The following PAK4 variants were observed in gnomAD, a reference collection of about 807,000 sequenced individuals.
PAK4 encodes the protein p21 (RAC1) activated kinase 4, also known as serine/threonine-protein kinase PAK 4.
PAK4 carries 49 observed loss-of-function variants against 53.5 expected under a neutral mutation model. The ratio of observed to expected loss-of-function variants is 0.92; its 90% CI spans 0.73 to 1.16. The LOEUF (loss-of-function observed/expected upper bound fraction) is 1.16. Ranked by LOEUF, PAK4 falls within the 50% of genes most tolerant of loss-of-function variation. The pLI, the probability that PAK4 is intolerant of heterozygous loss-of-function variation, is 0.00. For missense variants in PAK4, 824 were observed against 850.7 expected (o/e 0.97, Z 0.39); for synonymous variants, 376 against 375.6 (o/e 1.00, Z -0.01).
At chr19:39,155,953 G>A (rs1247031150) in intron 1 of PAK4, among the ~76,000 whole-genome samples, 70 of 152,194 alleles carry the variant, frequency 4.6e-4, no homozygotes, top group Admixed American at 4.6e-3. Flanking sequence ...TTTTCAGCAG[G>A]GTTAGTTTCA....
At chr19:39,147,841 GTTTTTTTTTT>G (rs35845376) in intron 1 of PAK4, among the ~76,000 whole-genome samples, 8 of 13,240 alleles carry the variant, frequency 6.0e-4, no homozygotes, top group Non-Finnish European at 1.1e-3. Context: ...TTGTTTTCGG[GTTTTTTTTTT>G]TTTTTTTTTT....
intron 1 of PAK4, among the ~76,000 whole-genome samples, chr19:39,133,848 G>A (rs1370519351): frequency 6.6e-6 from 1 of 152,216 alleles, no homozygotes; most frequent in Non-Finnish European, 1.5e-5. Context: ...AGAGGCGGAA[G>A]GCGGCCGGTC....
intron 1 of PAK4, among the ~76,000 whole-genome samples, chr19:39,157,263 C>T (rs867338915): frequency 1.3e-5 from 2 of 151,936 alleles, no homozygotes; most frequent in African/African-American, 4.8e-5. Context: ...GGGGGTTATT[C>T]CTAGGTGCGT....
At chr19:39,166,056 G>A (rs980964082) in intron 1 of PAK4, among the ~76,000 whole-genome samples, 10 of 152,218 alleles carry the variant, frequency 6.6e-5, no homozygotes, top group Admixed American at 5.9e-4. Flanking sequence ...AATGGTGACC[G>A]GCACTTACTG....
chr19:39,127,696 A>G (rs540777869), intron 1 of PAK4, among the ~76,000 whole-genome samples: 1 of 152,248 alleles, frequency 6.6e-6, no homozygotes, highest in South Asian at 2.1e-4. Flanking sequence ...GAGTGGAACC[A>G]GCCCCCAAGC....
At chr19:39,177,897 C>G (rs555988234) in intron 8 of PAK4, 88 bp downstream of exon 9, 1 of 1,436,320 alleles carries the variant, frequency 7.0e-7, no homozygotes, top group Non-Finnish European at 9.5e-7. Flanking sequence ...GGGATGGGGA[C>G]AATGATGGCG....
At chr19:39,165,195 G>GATGATGATGATA (rs1364745681) in intron 1 of PAK4, among the ~76,000 whole-genome samples, 1 of 128,434 alleles carries the variant, frequency 7.8e-6, no homozygotes, top group African/African-American at 3.0e-5. Context: ...TGATGATGAT[G>GATGATGATGATA]ATAATAATAA....
intron 2 of PAK4, among the ~76,000 whole-genome samples, chr19:39,170,504 C>T (rs1383181954): frequency 6.6e-6 from 1 of 152,206 alleles, no homozygotes; most frequent in Non-Finnish European, 1.5e-5. Context: ...TGGGTGTGGC[C>T]TGGCATGAGG....
intron 1 of PAK4, among the ~76,000 whole-genome samples, chr19:39,143,184 G>A (rs2073937824): frequency 6.6e-6 from 1 of 151,728 alleles, no homozygotes; most frequent in Non-Finnish European, 1.5e-5. Context: ...CTCCAGGAGA[G>A]CAGAGACTCT....
chr19:39,145,747 G>A (rs1296233162), intron 1 of PAK4, among the ~76,000 whole-genome samples: 1 of 152,160 alleles, frequency 6.6e-6, no homozygotes, highest in African/African-American at 2.4e-5. Flanking sequence ...ATCAGCAGCT[G>A]GGGCAGGAGG....
chr19:39,145,153 G>A (rs566470128), intron 1 of PAK4, among the ~76,000 whole-genome samples: 2 of 152,226 alleles, frequency 1.3e-5, no homozygotes, highest in East Asian at 3.9e-4. Context: ...ACCCCCAAGA[G>A]AAGAGAGAAT....
intron 1 of PAK4, among the ~76,000 whole-genome samples, chr19:39,151,100 C>T (rs1357739377): frequency 2.6e-5 from 4 of 152,118 alleles, no homozygotes; most frequent in Admixed American, 1.3e-4. Flanking sequence ...GGCGCGACCT[C>T]GGTGAGGAGA....
At chr19:39,165,195 G>GATGATGATGATAATAATA (rs1364745681) in intron 1 of PAK4, among the ~76,000 whole-genome samples, 8 of 128,438 alleles carry the variant, frequency 6.2e-5, no homozygotes, top group African/African-American at 2.4e-4. Context: ...TGATGATGAT[G>GATGATGATGATAATAATA]ATAATAATAA....
At chr19:39,142,112 G>C (rs551540339) in intron 1 of PAK4, among the ~76,000 whole-genome samples, 2 of 152,324 alleles carry the variant, frequency 1.3e-5, no homozygotes, top group South Asian at 4.1e-4. Flanking sequence ...GAATAGCTGG[G>C]ACCACAGGTG....
chr19:39,176,217 C>T (rs550388340), intron 6 of PAK4, among the ~76,000 whole-genome samples: 5 of 152,352 alleles, frequency 3.3e-5, no homozygotes, highest in African/African-American at 1.2e-4. Context: ...ACTTTCTGCT[C>T]CAACCGAACT....
intron 1 of PAK4, among the ~76,000 whole-genome samples, chr19:39,154,201 T>C (rs545532630): frequency 1.3e-5 from 2 of 152,236 alleles, no homozygotes; most frequent in South Asian, 4.1e-4. Context: ...GCCTGCGTTA[T>C]GCTGGAGTGT....
chr19:39,169,709 C>G (rs771704908), exon 2 of PAK4: 8 of 1,611,322 alleles, frequency 5.0e-6, no homozygotes, highest in Non-Finnish European at 1.7e-6. Context: ...GGCCCAAGCC[C>G]CTCGTCGACC....
chr19:39,126,366 A>G (rs1267200277), intron 1 of PAK4, among the ~76,000 whole-genome samples: 2 of 147,968 alleles, frequency 1.4e-5, no homozygotes, highest in Non-Finnish European at 3.0e-5. Flanking sequence ...TAGAAGGTAC[A>G]AAGGTGAGAA....
intron 6 of PAK4, among the ~76,000 whole-genome samples, chr19:39,176,197 G>A (rs2074601105): frequency 6.6e-6 from 1 of 152,226 alleles, no homozygotes; most frequent in Admixed American, 6.5e-5. Context: ...CACGGCCCTA[G>A]TGCAGGGCTA....
Sources: gnomAD v4.1 joint callset for allele counts (sites outside exome capture counted in the v4.1 genomes callset) on GRCh38, gnomAD v4.1.1 for gene constraint, MANE v1.5 for transcripts, NCBI Gene and HGNC (gene_info 2026-07-23, HGNC 2026-07-21) for gene names.